NOX4: variants seen among roughly 807,000 people sequenced by gnomAD.
NOX4 encodes the protein kidney oxidase-1.
NOX4 carries 69 observed loss-of-function variants against 87.6 expected under a neutral mutation model. That is an observed-to-expected ratio of 0.79 (90% CI 0.65 to 0.96). NOX4 has a LOEUF of 0.96. NOX4 is among the 40% of genes least tolerant of loss of function. The probability of loss-of-function intolerance (pLI) is 0.00; values close to 1 mark genes in which losing one functional copy is unlikely to be tolerated. For synonymous variants in NOX4, 275 were observed against 238.2 expected (o/e 1.15, Z -1.42); for missense variants, 680 against 681.5 (o/e 1.00, Z 0.02).
At chr11:89,541,306 C>T in the NOX4 span, among the ~76,000 whole-genome samples, 1 of 152,134 alleles carries the variant, frequency 6.6e-6, no homozygotes, top group East Asian at 1.9e-4. Flanking sequence ...ACAGTGCTGT[C>T]GAAATTTCCA....
the NOX4 span, among the ~76,000 whole-genome samples, chr11:89,539,394 T>G: frequency 6.6e-6 from 1 of 151,934 alleles, no homozygotes. Context: ...ATTACACCAC[T>G]GCACTCCAGC....
chr11:89,498,654 T>C (rs1410968144), upstream of NOX4: 2 of 152,138 alleles, frequency 1.3e-5, no homozygotes, highest in African/African-American at 2.4e-5. Context: ...TGACTAATAA[T>C]AGGAAGAAAA....
intron 12 of NOX4, among the ~76,000 whole-genome samples, chr11:89,362,752 G>A (rs1938629353): frequency 6.6e-6 from 1 of 151,730 alleles, no homozygotes; most frequent in African/African-American, 2.4e-5. Flanking sequence ...TATAGATCTT[G>A]GAGTATTATC....
intron 7 of NOX4, among the ~76,000 whole-genome samples, chr11:89,423,610 A>G (rs1027723572): frequency 3.7e-4 from 56 of 152,170 alleles, no homozygotes; most frequent in African/African-American, 1.3e-3. Flanking sequence ...ATGTTTAGTA[A>G]GGCACATCCC....
At chr11:89,513,288 C>A in the NOX4 span, among the ~76,000 whole-genome samples, 1 of 151,776 alleles carries the variant, frequency 6.6e-6, no homozygotes, top group Admixed American at 6.6e-5. Context: ...CCATTGTACT[C>A]CAGCCTGGGC....
chr11:89,421,762 C>T (rs1280293379), intron 8 of NOX4, 140 bp downstream of exon 8: 9 of 529,850 alleles, frequency 1.7e-5, no homozygotes, highest in South Asian at 8.6e-5. Context: ...CCATTCTTGA[C>T]GTTATCCTCA....
chr11:89,405,908 A>G (rs981875446), intron 8 of NOX4, among the ~76,000 whole-genome samples: 1 of 152,044 alleles, frequency 6.6e-6, no homozygotes, highest in Non-Finnish European at 1.5e-5. Flanking sequence ...TACCAGGCCT[A>G]TTCCCCTTGC....
In NOX4 at chr11:89,325,619, C is replaced by T. The variant is rs1367654625; in HGVS notation, c.*1137G>A. On this transcript the variant is annotated 3_prime_UTR_variant, in exon 18 of 18. Transcript: ENST00000263317. The stretch of plus-strand genomic sequence containing the variant: ...AGTTTGAATAAGAATATCATATTTC[C>T]TCTTACTTAAAAGGTAAAATACAGG... 1 of 151,916 alleles carries T rather than the reference C, an allele frequency of 6.6e-6. No homozygotes were observed. Among genetic ancestry groups the T allele is most frequent in the Non-Finnish European group, 1.5e-5 (1 of 68,006 alleles). 9.4% of individuals were successfully genotyped at this position (151,916 alleles called of 1,614,324 possible).
intron 12 of NOX4, among the ~76,000 whole-genome samples, chr11:89,362,275 C>T (rs1015812412): frequency 5.3e-5 from 8 of 152,028 alleles, no homozygotes; most frequent in South Asian, 2.1e-4. Flanking sequence ...ACCAAGTTCT[C>T]GGCTACTGTG....
At chr11:89,526,122 C>G in the NOX4 span, among the ~76,000 whole-genome samples, 1 of 152,164 alleles carries the variant, frequency 6.6e-6, no homozygotes, top group Non-Finnish European at 1.5e-5. Flanking sequence ...TTGAAAGCAG[C>G]TTGTATAAGT....
At chr11:89,415,816 A>T (rs906075374) in intron 8 of NOX4, among the ~76,000 whole-genome samples, 1 of 152,102 alleles carries the variant, frequency 6.6e-6, no homozygotes, top group Non-Finnish European at 1.5e-5. Flanking sequence ...CAGGTCATCT[A>T]TATCAGTGAC....
chr11:89,506,245 G>GAT, the NOX4 span, among the ~76,000 whole-genome samples: 1 of 130,206 alleles, frequency 7.7e-6, no homozygotes, highest in Non-Finnish European at 1.7e-5. Context: ...AAGAGAGAGA[G>GAT]AGAAAGAAAA....
chr11:89,576,106 T>C, the NOX4 span, among the ~76,000 whole-genome samples: 1 of 152,194 alleles, frequency 6.6e-6, no homozygotes, highest in Non-Finnish European at 1.5e-5. Flanking sequence ...GAACCAGAGA[T>C]AGCAGCAGTT....
the NOX4 span, among the ~76,000 whole-genome samples, chr11:89,509,135 T>C: frequency 6.6e-6 from 1 of 152,064 alleles, no homozygotes; most frequent in Non-Finnish European, 1.5e-5. Flanking sequence ...ACCAATATAC[T>C]TGTAAATAAT....
At chr11:89,500,134 C>A (rs192429690), upstream of NOX4, among the ~76,000 whole-genome samples, 1 of 152,082 alleles carries the variant, frequency 6.6e-6, no homozygotes, top group Admixed American at 6.6e-5. Flanking sequence ...TGTGTAAGAT[C>A]AAATGTTTAA....
chr11:89,394,346 T>C (rs1941331026), intron 11 of NOX4, among the ~76,000 whole-genome samples: 1 of 110,378 alleles, frequency 9.1e-6, no homozygotes, highest in Non-Finnish European at 1.7e-5. Context: ...TGAAAAATAG[T>C]TTAAAAAACA....
rs1308012447 is a variant in NOX4 at position 89,325,923 on chromosome 11, G to GTA, written c.*831_*832dup. On this transcript the variant is annotated 3_prime_UTR_variant, in exon 18 of 18. Coordinates refer to ENST00000263317, the MANE Select transcript of NOX4 (RefSeq NM_016931.5). ...TATATATATATATGTGTGTGTGTGTGTATATATATATGTGTATATACATAT... is the reference window on the plus strand; with the variant it reads ...TATATATATATATGTGTGTGTGTGTGTATATATATATATGTGTATATACATAT... 8.1e-5 allele frequency: 11 copies of GTA among 136,172 alleles called. No homozygotes were observed. The highest frequency in any genetic ancestry group is 2.2e-4 in the South Asian group (1 of 4,496). 8.4% of individuals were successfully genotyped at this position (136,172 alleles called of 1,614,324 possible).
chr11:89,557,849 T>C, the NOX4 span, among the ~76,000 whole-genome samples: 1 of 152,054 alleles, frequency 6.6e-6, no homozygotes, highest in Non-Finnish European at 1.5e-5. Context: ...AAGATACTTG[T>C]AGAAAATTAA....
chr11:89,543,644 T>C, the NOX4 span, among the ~76,000 whole-genome samples: 375 of 152,164 alleles, frequency 2.5e-3, 1 homozygote, highest in African/African-American at 8.4e-3. Context: ...CTAAAATTGA[T>C]GCAACAAAAA....
Sources: gnomAD v4.1 joint callset for allele counts (sites outside exome capture counted in the v4.1 genomes callset) on GRCh38, gnomAD v4.1.1 for gene constraint, MANE v1.5 for transcripts, NCBI Gene and HGNC (gene_info 2026-07-23, HGNC 2026-07-21) for gene names.